The following CACUL1 variants were observed in gnomAD, a reference collection of about 807,000 sequenced individuals.
The protein encoded by CACUL1 is CDK2-associated and cullin domain-containing protein 1.
In CACUL1, 13 loss-of-function variants were observed where a neutral mutation model predicts 45.2. The observed-to-expected ratio is 0.29, with a 90% CI of 0.19 to 0.46. The LOEUF is 0.46. CACUL1 is among the 20% of genes least tolerant of loss of function. CACUL1 has a pLI of 1.00. For missense variants in CACUL1, 421 were observed against 471.4 expected, an observed-to-expected ratio of 0.89 and a Z score of 0.99; for synonymous variants, 197 against 174.2, an observed-to-expected ratio of 1.13 and a Z score of -1.03.
chr10:118,700,560 A>G (rs1173758270), intron 5 of CACUL1, among the ~76,000 whole-genome samples: 1 of 152,094 alleles, frequency 6.6e-6, no homozygotes, highest in Non-Finnish European at 1.5e-5. Flanking sequence ...TACTAAAAAT[A>G]GAAAAAATTA....
At chr10:118,719,133 G>C (rs546327383) in intron 3 of CACUL1, among the ~76,000 whole-genome samples, 1 of 152,286 alleles carries the variant, frequency 6.6e-6, no homozygotes, top group South Asian at 2.1e-4. Flanking sequence ...AAAAAGATGG[G>C]AGAATTTCAG....
chr10:118,685,944 G>GTT lies in CACUL1; in HGVS notation c.*182_*183dup, dbSNP rs572173441. On this transcript the variant is annotated 3_prime_UTR_variant, in exon 9 of 9. Transcript: ENST00000369151. ...AATCACCCCCAAGTCTAGCAGCAAC[G>GTT]TTTTTTTTTTTTTTAGTTTTTGTTT... 1.7e-3 allele frequency: 568 copies of GTT among 324,672 alleles called. No individual in the cohort carries two copies. The highest frequency in any genetic ancestry group is 3.1e-3 in the South Asian group (32 of 10,270). The allele number at this position is 324,672 out of a possible 1,614,324, so 20.1% of individuals were successfully genotyped here.
rs539206439 is a variant in CACUL1, at chr10:118,679,916, T to G, written c.*6212A>C. ...CAATCTTCCCACCTCAGCCTCTCAG[T>G]GTTGGGATTACAGGTGTGAGCCACT... On this transcript the variant is annotated 3_prime_UTR_variant, in exon 9 of 9. Coordinates refer to ENST00000369151, the MANE Select transcript of CACUL1 (RefSeq NM_153810.5). The G allele has an allele frequency of 6.6e-6, 1 of 152,324 alleles. No homozygotes were observed. The highest frequency in any genetic ancestry group is 2.4e-5 in the African/African-American group (1 of 41,566). 9.4% of individuals were successfully genotyped at this position (152,324 alleles called of 1,614,324 possible).
intron 5 of CACUL1, among the ~76,000 whole-genome samples, chr10:118,701,022 C>T (rs1038231988): frequency 3.9e-5 from 6 of 152,060 alleles, no homozygotes; most frequent in Non-Finnish European, 7.4e-5. Context: ...AATACTTTCC[C>T]TACTGTCAGG....
chr10:118,694,299 TG>T (rs1396616248), intron 6 of CACUL1, among the ~76,000 whole-genome samples: 1 of 152,258 alleles, frequency 6.6e-6, no homozygotes, highest in African/African-American at 2.4e-5. Context: ...TAAACTCAAA[TG>T]GATAGTAATA....
At chr10:118,735,021 C>T (rs2119652853) in intron 1 of CACUL1, among the ~76,000 whole-genome samples, 1 of 152,256 alleles carries the variant, frequency 6.6e-6, no homozygotes, top group African/African-American at 2.4e-5. Context: ...TGTCAATCTC[C>T]CTCAAACTAG....
intron 7 of CACUL1, among the ~76,000 whole-genome samples, chr10:118,687,474 T>C (rs1043725954): frequency 2.6e-5 from 4 of 152,202 alleles, no homozygotes; most frequent in Admixed American, 2.0e-4. Context: ...TGGGGCATTC[T>C]GTCCCAAAAC....
chr10:118,741,899 C>T (rs1845796870), intron 1 of CACUL1, among the ~76,000 whole-genome samples: 1 of 152,148 alleles, frequency 6.6e-6, no homozygotes. Context: ...AAAATAATTT[C>T]AATTCTGGGT....
chr10:118,724,536 A>C (rs1404840011), intron 3 of CACUL1, among the ~76,000 whole-genome samples: 1 of 152,202 alleles, frequency 6.6e-6, no homozygotes, highest in African/African-American at 2.4e-5. Flanking sequence ...TTTTTTTTAC[A>C]CGGACCAAAA....
chr10:118,680,211 G>A lies in CACUL1; in HGVS notation c.*5917C>T, dbSNP rs187511044. 6 of 152,080 alleles carry A rather than the reference G, an allele frequency of 3.9e-5. No homozygotes were observed. The highest frequency in any genetic ancestry group is 3.3e-4 in the Admixed American group (5 of 15,272). The allele number at this position is 152,080 out of a possible 1,614,324, so 9.4% of individuals were successfully genotyped here. A position where few individuals can be genotyped will look rare whatever the true frequency, so the allele number is the denominator to read the frequency against. ...TAGATAATTGAGAAACAGGCCAATC[G>A]AAGAAATAAAATTCACACATATACA... On this transcript the variant is annotated 3_prime_UTR_variant, in exon 9 of 9. Coordinates refer to ENST00000369151, the MANE Select transcript of CACUL1 (RefSeq NM_153810.5).
At chr10:118,739,813 G>C (rs915963972) in intron 1 of CACUL1, among the ~76,000 whole-genome samples, 1 of 152,208 alleles carries the variant, frequency 6.6e-6, no homozygotes, top group African/African-American at 2.4e-5. Flanking sequence ...ACCAGTGACA[G>C]GTACATGGCG....
intron 1 of CACUL1, among the ~76,000 whole-genome samples, chr10:118,737,454 T>G (rs1845750774): frequency 6.6e-6 from 1 of 152,064 alleles, no homozygotes; most frequent in African/African-American, 2.4e-5. Flanking sequence ...TCTTTAAGGG[T>G]TCTATGCTCC....
chr10:118,732,327 A>G (rs749345278), intron 1 of CACUL1, among the ~76,000 whole-genome samples: 2 of 152,208 alleles, frequency 1.3e-5, no homozygotes, highest in African/African-American at 2.4e-5. Flanking sequence ...AGTGGCTCCA[A>G]AGTTTTTGGC....
intron 5 of CACUL1, among the ~76,000 whole-genome samples, chr10:118,699,913 G>A (rs969599167): frequency 3.9e-5 from 6 of 152,046 alleles, no homozygotes; most frequent in Admixed American, 2.6e-4. Context: ...CTCCCAAAGC[G>A]CTGGGATTAC....
rs1845113267 is a variant in CACUL1 at position 118,677,892 on chromosome 10, A to G, written c.*8236T>C. 6.6e-6 allele frequency: 1 copy of G among 152,242 alleles called. No homozygotes were observed. The highest frequency in any genetic ancestry group is 1.5e-5 in the Non-Finnish European group (1 of 68,040). The allele number at this position is 152,242 out of a possible 1,614,324, so 9.4% of individuals were successfully genotyped here. ...AATAGTGGGCTATTAAGAGGTGCCT[A>G]TGCTCAATTTCATTAGATAATACTG... On this transcript the variant is annotated 3_prime_UTR_variant, in exon 9 of 9. Coordinates refer to ENST00000369151, the MANE Select transcript of CACUL1 (RefSeq NM_153810.5).
chr10:118,694,941 C>T (rs1470147968), intron 6 of CACUL1, 200 bp downstream of exon 6: 2 of 428,558 alleles, frequency 4.7e-6, no homozygotes, highest in Non-Finnish European at 8.7e-6. Context: ...GCAAAAACCA[C>T]ACTAGTTGGT....
intron 3 of CACUL1, among the ~76,000 whole-genome samples, chr10:118,710,393 T>C (rs1564832324): frequency 6.6e-6 from 1 of 152,152 alleles, no homozygotes; most frequent in Non-Finnish European, 1.5e-5. Context: ...TACACCTACT[T>C]AAATTCTCTT....
chr10:118,730,475 C>A (rs1845687328), intron 1 of CACUL1, 65 bp from the exon 2 acceptor site: 2 of 1,437,606 alleles, frequency 1.4e-6, no homozygotes, highest in Non-Finnish European at 1.9e-6. Flanking sequence ...AAATCACAGC[C>A]ATTTTGCACT....
intron 4 of CACUL1, among the ~76,000 whole-genome samples, chr10:118,706,475 T>C (rs1845433363): frequency 6.6e-6 from 1 of 152,180 alleles, no homozygotes. Context: ...ACCAAAATGA[T>C]ACAATGTAAC....
Sources: gnomAD v4.1 joint callset for allele counts (sites outside exome capture counted in the v4.1 genomes callset) on GRCh38, gnomAD v4.1.1 for gene constraint, MANE v1.5 for transcripts, NCBI Gene and HGNC (gene_info 2026-07-23, HGNC 2026-07-21) for gene names.